The following MCF2 variants were observed in gnomAD, a reference collection of about 807,000 sequenced individuals.
MCF2 encodes the protein proto-oncogene DBL.
Under a neutral mutation model 82.5 loss-of-function variants are expected in MCF2, and 44 were observed. The observed-to-expected ratio is 0.53, with a 90% CI of 0.42 to 0.69. The LOEUF (loss-of-function observed/expected upper bound fraction) is 0.69, where lower values mean the gene tolerates loss of function less well. Ranked by LOEUF, MCF2 falls within the 30% of genes least tolerant of loss-of-function variation. MCF2 has a pLI of 0.00. For missense variants in MCF2, 623 were observed against 663.1 expected, an observed-to-expected ratio of 0.94 and a Z score of 0.66; for synonymous variants, 217 against 224.9, an observed-to-expected ratio of 0.96 and a Z score of 0.32.
intron 6 of MCF2, 65 bp from the exon 10 acceptor site, chrX:139,619,771 A>G: frequency 1.8e-5 from 16 of 898,170 alleles, no homozygotes; most frequent in Non-Finnish European, 2.4e-5. Context: ...CAAGTTTTAT[A>G]CAAAATGCTT....
At chrX:139,597,583 C>T in exon 18 of MCF2, 2 of 1,143,135 alleles carry the variant, frequency 1.7e-6, no homozygotes, top group Non-Finnish European at 2.4e-6. Flanking sequence ...ATTTTAATAG[C>T]TCCTGTAATT....
At chrX:139,701,708 T>A (rs754382479) in intron 1 of MCF2, among the ~76,000 whole-genome samples, 5 of 112,685 alleles carry the variant, frequency 4.4e-5, no homozygotes, top group African/African-American at 1.6e-4. Flanking sequence ...GTCAATAGAT[T>A]ATACAGGCAT....
intron 2 of MCF2, among the ~76,000 whole-genome samples, chrX:139,651,083 C>T (rs1437580507): frequency 9.1e-5 from 10 of 110,114 alleles, no homozygotes; most frequent in Non-Finnish European, 1.9e-4. Flanking sequence ...TTCAATTTTG[C>T]AAGACCTGAA....
At chrX:139,617,850 C>CA (rs36071186) in intron 7 of MCF2, 146 bp from the exon 11 acceptor site, 87,210 of 217,509 alleles carry the variant, frequency 0.4, 8,460 homozygotes, top group Non-Finnish European at 0.46. Context: ...CTTCAGGCTG[C>CA]AAAAAAAAAA....
At position 139,629,588 on chromosome X, in the gene MCF2, G is replaced by A. The variant is rs1932854080; in HGVS notation, c.438+107C>T. 5 of 693,244 alleles carry A rather than the reference G, an allele frequency of 7.2e-6. No homozygotes were observed. In the South Asian group the frequency reaches 1.3e-4, roughly 17 times the overall value. The allele number at this position is 693,244 out of a possible 1,213,427, so 57.1% of individuals were successfully genotyped here. On this transcript the variant is annotated intron_variant, in intron 4 of 24. Coordinates refer to ENST00000370576, the Ensembl canonical transcript of MCF2. ...TAGTTTTTAAATATATTACATAAAT[G>A]TCTTTTATCTCCCCTTATGCAACAG...
intron 6 of MCF2, 33 bp from the exon 10 acceptor site, chrX:139,619,739 A>C: frequency 9.4e-7 from 1 of 1,063,032 alleles, no homozygotes; most frequent in Non-Finnish European, 1.2e-6. Context: ...TTTTAAAAAC[A>C]TAAAATTTAT....
intron 2 of MCF2, among the ~76,000 whole-genome samples, chrX:139,648,766 C>A (rs1933893237): frequency 8.9e-6 from 1 of 112,045 alleles, no homozygotes; most frequent in African/African-American, 3.2e-5. Flanking sequence ...TAATATTTGA[C>A]AAAGTAGATT....
intron 1 of MCF2, among the ~76,000 whole-genome samples, chrX:139,668,873 AT>A (rs770504953): frequency 9.0e-6 from 1 of 111,030 alleles, no homozygotes; most frequent in East Asian, 2.8e-4. Flanking sequence ...TCATATATAT[AT>A]GTATATATAT....
chrX:139,640,151 C>T (rs17002196), intron 1 of MCF2, among the ~76,000 whole-genome samples: 2,498 of 111,546 alleles, frequency 0.022, 58 homozygotes, highest in African/African-American at 0.077. Context: ...ATGATTTGAC[C>T]TTGATGTTTC....
chrX:139,647,950 G>A, intron 2 of MCF2, among the ~76,000 whole-genome samples: 1 of 112,359 alleles, frequency 8.9e-6, no homozygotes, highest in Non-Finnish European at 1.9e-5. Flanking sequence ...AAGTTGCAAG[G>A]TGGCCTTTGA....
chrX:139,649,588 C>G (rs898893094), intron 2 of MCF2, among the ~76,000 whole-genome samples: 16 of 111,673 alleles, frequency 1.4e-4, no homozygotes, highest in Non-Finnish European at 3.0e-4. Flanking sequence ...TTATCATTGA[C>G]TAATCTATAA....
At chrX:139,653,272 C>G (rs1434774423) in intron 1 of MCF2, among the ~76,000 whole-genome samples, 1 of 111,847 alleles carries the variant, frequency 8.9e-6, no homozygotes, top group Non-Finnish European at 1.9e-5. Flanking sequence ...CACTTTCTCC[C>G]CTGAGGAGCC....
intron 20 of MCF2, among the ~76,000 whole-genome samples, chrX:139,589,536 C>T (rs1242421035): frequency 9.0e-6 from 1 of 111,224 alleles, no homozygotes; most frequent in African/African-American, 3.3e-5. Context: ...TATTATAATT[C>T]CATAACTTGG....
chrX:139,606,038 G>A (rs1200754363), intron 12 of MCF2, among the ~76,000 whole-genome samples: 1 of 78,346 alleles, frequency 1.3e-5, no homozygotes, highest in Non-Finnish European at 2.6e-5. Context: ...TATATATCCC[G>A]CTTTCTTTCA....
chrX:139,701,553 C>T (rs1315095075), intron 1 of MCF2, among the ~76,000 whole-genome samples: 2 of 111,737 alleles, frequency 1.8e-5, no homozygotes, highest in East Asian at 5.6e-4. Flanking sequence ...GAATTTCCAG[C>T]CTGCTGGCCT....
intron 17 of MCF2, among the ~76,000 whole-genome samples, chrX:139,597,798 C>A (rs1930227807): frequency 9.0e-6 from 1 of 111,150 alleles, no homozygotes; most frequent in Admixed American, 9.7e-5. Context: ...AAACAAAGGA[C>A]ATTTAATGCT....
chrX:139,669,634 G>T (rs61523765), intron 1 of MCF2, among the ~76,000 whole-genome samples: 1,825 of 111,734 alleles, frequency 0.016, 40 homozygotes, highest in African/African-American at 0.056. Flanking sequence ...CCCCAAAGGT[G>T]GAAATAACTC....
intron 1 of MCF2, among the ~76,000 whole-genome samples, chrX:139,703,721 C>T (rs918196958): frequency 2.7e-5 from 3 of 110,610 alleles, no homozygotes; most frequent in Admixed American, 9.6e-5. Flanking sequence ...AGTGACAGAG[C>T]GAGACTCTGT....
chrX:139,609,881 T>C (rs72616289), intron 11 of MCF2, among the ~76,000 whole-genome samples: 2 of 112,521 alleles, frequency 1.8e-5, no homozygotes, highest in East Asian at 2.8e-4. Context: ...GATATCTTTT[T>C]TGAGCTAAGA....
Sources: allele counts gnomAD v4.1 joint callset (sites outside exome capture counted in the v4.1 genomes callset), GRCh38; gene constraint gnomAD v4.1.1; transcripts MANE v1.5; gene names NCBI Gene and HGNC (gene_info 2026-07-23, HGNC 2026-07-21).